LGSN: variants seen among roughly 807,000 people sequenced by gnomAD.
LGSN encodes the protein lengsin, lens protein with glutamine synthetase domain, also known as lengsin.
In LGSN, 21 loss-of-function variants were observed where a neutral mutation model predicts 19.5. That is an observed-to-expected ratio of 1.07 (90% CI 0.76 to 1.55). The LOEUF (loss-of-function observed/expected upper bound fraction) is 1.55, where lower values mean the gene tolerates loss of function less well. Ranked by LOEUF, LGSN falls within the 40% of genes most tolerant of loss-of-function variation. The pLI, the probability that LGSN is intolerant of heterozygous loss-of-function variation, is 0.00. For missense variants in LGSN, 673 were observed against 608.5 expected (o/e 1.11, Z -1.12); for synonymous variants, 257 against 215.6 (o/e 1.19, Z -1.68).
At chr6:63,298,195 A>C (rs1012795124) in intron 1 of LGSN, among the ~76,000 whole-genome samples, 2 of 152,202 alleles carry the variant, frequency 1.3e-5, no homozygotes, top group African/African-American at 4.8e-5. Context: ...AGCAAGGTAC[A>C]CCAGCTCCAT....
At chr6:63,397,530 G>T in the LGSN span, among the ~76,000 whole-genome samples, 7 of 152,014 alleles carry the variant, frequency 4.6e-5, no homozygotes, top group Admixed American at 4.6e-4. Context: ...AGTGAATCTT[G>T]GTTGTCAATT....
At chr6:63,283,370 C>T (rs941630988) in intron 3 of LGSN, among the ~76,000 whole-genome samples, 1 of 152,034 alleles carries the variant, frequency 6.6e-6, no homozygotes, top group Non-Finnish European at 1.5e-5. Context: ...ATCCTTATCA[C>T]AAATGAAACT....
chr6:63,325,294 G>A, the LGSN span, among the ~76,000 whole-genome samples: 5 of 151,884 alleles, frequency 3.3e-5, no homozygotes, highest in Non-Finnish European at 2.9e-5. Context: ...ATAATACAAA[G>A]GTTCAACCAA....
the LGSN span, among the ~76,000 whole-genome samples, chr6:63,546,482 G>T: frequency 6.6e-6 from 1 of 152,196 alleles, no homozygotes; most frequent in Admixed American, 6.5e-5. Flanking sequence ...AAGGCAGGTG[G>T]ATCACTTGAG....
intron 1 of LGSN, among the ~76,000 whole-genome samples, chr6:63,310,308 A>C (rs1018885319): frequency 6.6e-6 from 1 of 152,198 alleles, no homozygotes; most frequent in African/African-American, 2.4e-5. Flanking sequence ...AAGGTGACCT[A>C]GATCTCCTTT....
At chr6:63,532,584 C>T in the LGSN span, among the ~76,000 whole-genome samples, 1 of 152,134 alleles carries the variant, frequency 6.6e-6, no homozygotes, top group Non-Finnish European at 1.5e-5. Flanking sequence ...AAAAAATCTC[C>T]CCATTCACTA....
At chr6:63,532,626 C>CCACT in the LGSN span, among the ~76,000 whole-genome samples, 1 of 152,120 alleles carries the variant, frequency 6.6e-6, no homozygotes, top group Non-Finnish European at 1.5e-5. Context: ...ATGTCCTATG[C>CCACT]CACTGTACAG....
At chr6:63,564,866 A>T in the LGSN span, among the ~76,000 whole-genome samples, 1 of 152,202 alleles carries the variant, frequency 6.6e-6, no homozygotes, top group African/African-American at 2.4e-5. Context: ...CTCAAACTAG[A>T]TTCCTCCAGG....
At chr6:63,551,570 G>T in the LGSN span, among the ~76,000 whole-genome samples, 1 of 151,764 alleles carries the variant, frequency 6.6e-6, no homozygotes, top group Non-Finnish European at 1.5e-5. Context: ...AAGTTCTAGG[G>T]TACATGTGCA....
At chr6:63,534,605 AAG>A in the LGSN span, among the ~76,000 whole-genome samples, 2 of 151,926 alleles carry the variant, frequency 1.3e-5, no homozygotes, top group African/African-American at 4.8e-5. Flanking sequence ...GCTTGAGCCC[AAG>A]AGTTAGCCCA....
chr6:63,349,336 G>A, the LGSN span, among the ~76,000 whole-genome samples: 2 of 152,176 alleles, frequency 1.3e-5, no homozygotes, highest in African/African-American at 4.8e-5. Flanking sequence ...GGAAATATTT[G>A]TAGCTGATGA....
the LGSN span, among the ~76,000 whole-genome samples, chr6:63,567,608 G>A: frequency 6.6e-6 from 1 of 152,110 alleles, no homozygotes; most frequent in African/African-American, 2.4e-5. Context: ...AATTTTTAAG[G>A]GTCCTAGGAT....
chr6:63,507,269 T>C, the LGSN span, among the ~76,000 whole-genome samples: 5 of 152,168 alleles, frequency 3.3e-5, no homozygotes, highest in Non-Finnish European at 5.9e-5. Context: ...TTATTTCTTA[T>C]TCCATCACTT....
the LGSN span, among the ~76,000 whole-genome samples, chr6:63,397,746 C>T: frequency 6.6e-6 from 1 of 152,000 alleles, no homozygotes; most frequent in Non-Finnish European, 1.5e-5. Flanking sequence ...GGTGAAACCC[C>T]ATCTCTACTA....
At chr6:63,470,942 T>C in the LGSN span, among the ~76,000 whole-genome samples, 4 of 113,250 alleles carry the variant, frequency 3.5e-5, no homozygotes, top group African/African-American at 8.3e-5. Context: ...TCTTTTTTTT[T>C]TTTTTTTTTT....
At chr6:63,436,694 T>C in the LGSN span, among the ~76,000 whole-genome samples, 2 of 152,244 alleles carry the variant, frequency 1.3e-5, no homozygotes, top group East Asian at 3.9e-4. Context: ...AAGAACACAC[T>C]CATTGGGTTT....
Position 63,280,510 on chromosome 6 carries a change from T to C in LGSN, c.1041A>G (p.Gly347=). Residue 347 remains glycine, a synonymous_variant, in exon 4 of 4, where the codon GGA becomes GGG. Transcript: ENST00000370657. ...TGAGCGCAGCAGAGTGCTTCAAGAG[T>C]CCTGCCAACCATTTTTTCCCAGTGA... is the stretch of plus-strand genomic sequence containing the variant. ...LTITGKKWLA[G]LLKHSAALSC... The C allele has an allele frequency of 6.2e-7, 1 of 1,613,892 alleles. No individual in the cohort carries two copies. The highest frequency in any genetic ancestry group is 8.5e-7 in the Non-Finnish European group (1 of 1,180,018).
chr6:63,473,837 T>A, the LGSN span, among the ~76,000 whole-genome samples: 31 of 147,940 alleles, frequency 2.1e-4, no homozygotes, highest in Admixed American at 2.1e-3. Context: ...TCTAGAAAAT[T>A]GTCCTTGGTT....
the LGSN span, among the ~76,000 whole-genome samples, chr6:63,531,792 C>T: frequency 1.3e-5 from 2 of 151,900 alleles, no homozygotes; most frequent in South Asian, 4.1e-4. Context: ...TGTCCAGCCT[C>T]CCATAACACT....
Sources: allele counts gnomAD v4.1 joint callset (sites outside exome capture counted in the v4.1 genomes callset), GRCh38; gene constraint gnomAD v4.1.1; transcripts MANE v1.5; gene names NCBI Gene and HGNC (gene_info 2026-07-23, HGNC 2026-07-21).